PPP2R2D: variants seen among roughly 807,000 people sequenced by gnomAD.
PPP2R2D encodes the protein serine/threonine-protein phosphatase 2A 55 kDa regulatory subunit B delta isoform.
PPP2R2D carries 9 observed loss-of-function variants against 31.1 expected under a neutral mutation model. That is an observed-to-expected ratio of 0.29 (90% CI 0.17 to 0.51). The LOEUF (loss-of-function observed/expected upper bound fraction) is 0.51. Ranked by LOEUF, PPP2R2D falls within the 20% of genes least tolerant of loss-of-function variation. The pLI, the probability that PPP2R2D is intolerant of heterozygous loss-of-function variation, is 0.98. For synonymous variants in PPP2R2D, 179 were observed against 172.6 expected (o/e 1.04, Z -0.29); for missense variants, 391 against 465.6 (o/e 0.84, Z 1.48).
intron 2 of PPP2R2D, among the ~76,000 whole-genome samples, chr10:131,913,473 AT>A (rs1185748634): frequency 6.6e-6 from 1 of 151,914 alleles, no homozygotes; most frequent in Non-Finnish European, 1.5e-5. Context: ...CTTTGACTAG[AT>A]TTTTTGTATT....
chr10:131,907,890 C>T (rs1022363984), intron 2 of PPP2R2D, among the ~76,000 whole-genome samples: 1 of 152,172 alleles, frequency 6.6e-6, no homozygotes, highest in African/African-American at 2.4e-5. Context: ...TGATTTTCCA[C>T]GTTCCCTGAT....
At chr10:131,916,223 G>A (rs1218162611) in intron 2 of PPP2R2D, among the ~76,000 whole-genome samples, 2 of 152,160 alleles carry the variant, frequency 1.3e-5, no homozygotes, top group Admixed American at 1.3e-4. Context: ...ACCCAGAGGC[G>A]GGCTCTGTGG....
chr10:131,956,958 C>T lies in PPP2R2D; in HGVS notation c.*995C>T, dbSNP rs2036809897. The T allele has an allele frequency of 6.6e-6, 1 of 152,258 alleles. No individual in the cohort carries two copies. The allele number at this position is 152,258 out of a possible 1,614,324, so 9.4% of individuals were successfully genotyped here. ...TACATGCATGCTAAATTTCATCCTG[C>T]ATTTCAAGCCAGCAAAATTAAGCAA... On this transcript the variant is annotated 3_prime_UTR_variant, in exon 9 of 9. Coordinates refer to ENST00000455566, the MANE Select transcript of PPP2R2D (RefSeq NM_018461.5).
chr10:131,963,037 C>T (rs1479448853), downstream of PPP2R2D, among the ~76,000 whole-genome samples: 1 of 152,134 alleles, frequency 6.6e-6, no homozygotes, highest in East Asian at 1.9e-4. Context: ...TGGTGGCGGA[C>T]GCTTGTAATC....
At chr10:131,939,602 G>A (rs12774797) in intron 3 of PPP2R2D, among the ~76,000 whole-genome samples, 5 of 101,998 alleles carry the variant, frequency 4.9e-5, no homozygotes, top group South Asian at 3.5e-4. Context: ...GGCAGGCTGC[G>A]TTTGGCAGAC....
At chr10:131,965,877 C>T in the PPP2R2D span, among the ~76,000 whole-genome samples, 1 of 152,204 alleles carries the variant, frequency 6.6e-6, no homozygotes, top group Non-Finnish European at 1.5e-5. Context: ...CCCTTCTCAT[C>T]GCGAGCTCTT....
chr10:131,911,809 G>T (rs2035688504), intron 2 of PPP2R2D: 1 of 152,234 alleles, frequency 6.6e-6, no homozygotes, highest in South Asian at 2.1e-4. Context: ...ATTAGCAGTA[G>T]GAGTGTCAAG....
chr10:131,907,511 C>T (rs967322741), intron 2 of PPP2R2D, among the ~76,000 whole-genome samples: 6 of 152,018 alleles, frequency 3.9e-5, no homozygotes, highest in African/African-American at 1.4e-4. Context: ...GAGGCCGAGG[C>T]GGGCGGATCA....
intron 2 of PPP2R2D, among the ~76,000 whole-genome samples, chr10:131,918,156 C>T (rs1433828408): frequency 7.0e-6 from 1 of 143,312 alleles, no homozygotes; most frequent in East Asian, 2.2e-4. Flanking sequence ...TGGAATGACA[C>T]AGTGTAGGGA....
intron 2 of PPP2R2D, among the ~76,000 whole-genome samples, chr10:131,903,921 T>G (rs2119697187): frequency 6.6e-6 from 1 of 152,160 alleles, no homozygotes; most frequent in Admixed American, 6.5e-5. Flanking sequence ...AAGAGATGGG[T>G]GGCTGGGTAC....
downstream of PPP2R2D, among the ~76,000 whole-genome samples, chr10:131,961,192 G>A (rs1025528993): frequency 4.6e-5 from 7 of 152,180 alleles, no homozygotes; most frequent in Non-Finnish European, 8.8e-5. Flanking sequence ...GCCTGGGCCT[G>A]GGGGCCTGGC....
intron 5 of PPP2R2D, among the ~76,000 whole-genome samples, chr10:131,941,839 G>A (rs571153563): frequency 2.7e-4 from 41 of 152,262 alleles, no homozygotes; most frequent in African/African-American, 9.6e-4. Context: ...TTCTCACATC[G>A]ATGTTGTCAC....
Position 131,947,745 on chromosome 10 carries a change from G to A in PPP2R2D, c.1036G>A (p.Asp346Asn). 1 of 1,614,158 alleles carries A rather than the reference G, an allele frequency of 6.2e-7. No homozygotes were observed. Among genetic ancestry groups the A allele is most frequent in the Non-Finnish European group, 8.5e-7 (1 of 1,180,038 alleles). Residue 346 changes from aspartate (D) to asparagine (N), a missense_variant, in exon 8 of 9, where the codon GAC (aspartate) becomes AAC (asparagine). Around this residue, in one of 3 missense-constraint regions of PPP2R2D, gnomAD observed 163 missense variants for 179.5 expected, o/e 0.91. Coordinates refer to ENST00000455566, the MANE Select transcript of PPP2R2D (RefSeq NM_018461.5). The surrounding 1 kb of genome is among the most constrained non-coding windows in gnomAD (Gnocchi z 4.3). ...RSKLCSLYEN[D>N]CIFDKFECCW... ...CAAGCTCTGCTCTCTCTATGAGAAC[G>A]ACTGCATCTTTGACAAGTTTGAGTG...
intron 8 of PPP2R2D, among the ~76,000 whole-genome samples, chr10:131,953,831 T>G (rs1329795264): frequency 6.6e-6 from 1 of 152,126 alleles, no homozygotes; most frequent in Non-Finnish European, 1.5e-5. Flanking sequence ...TCACTGTATT[T>G]TTTATTCCTC....
downstream of PPP2R2D, among the ~76,000 whole-genome samples, chr10:131,963,941 G>T (rs1012101719): frequency 6.6e-6 from 1 of 152,100 alleles, no homozygotes; most frequent in East Asian, 1.9e-4. Flanking sequence ...GGTTTTTCCT[G>T]TCCAGGGCCC....
intron 2 of PPP2R2D, among the ~76,000 whole-genome samples, chr10:131,915,855 A>G (rs535819932): frequency 6.6e-6 from 1 of 152,276 alleles, no homozygotes; most frequent in Non-Finnish European, 1.5e-5. Flanking sequence ...AAAATTATTA[A>G]TCTCCTCTGC....
intron 2 of PPP2R2D, among the ~76,000 whole-genome samples, chr10:131,923,357 G>A (rs938309027): frequency 4.6e-5 from 7 of 152,194 alleles, no homozygotes; most frequent in East Asian, 1.9e-4. Context: ...TTGTTTATCC[G>A]TTAGTTGATG....
At chr10:131,938,046 C>T (rs2036375310) in intron 3 of PPP2R2D, among the ~76,000 whole-genome samples, 1 of 148,176 alleles carries the variant, frequency 6.7e-6, no homozygotes, top group Admixed American at 6.8e-5. Flanking sequence ...GTGGAGGCTT[C>T]GGTGGAAGGA....
At chr10:131,952,590 G>A (rs2036680340) in intron 8 of PPP2R2D, among the ~76,000 whole-genome samples, 1 of 54,224 alleles carries the variant, frequency 1.8e-5, no homozygotes, top group Non-Finnish European at 3.4e-5. Context: ...GGGTGTGCGG[G>A]GGGTTCACTG....
Sources: gnomAD v4.1 joint callset for allele counts (sites outside exome capture counted in the v4.1 genomes callset) on GRCh38, gnomAD v4.1.1 for gene constraint, gnomAD v4.1.1 regional missense constraint, Gnocchi (gnomAD v3.1) non-coding constraint, MANE v1.5 for transcripts, NCBI Gene and HGNC (gene_info 2026-07-23, HGNC 2026-07-21) for gene names.